ZFP42: variants seen among roughly 807,000 people sequenced by gnomAD.
The protein encoded by ZFP42 is ZFP42 zinc finger protein, also known as zinc finger protein 42 homolog.
For missense variants in ZFP42, 438 were observed against 377.1 expected (o/e 1.16, Z -1.34); for synonymous variants, 175 against 144.6 (o/e 1.21, Z -1.51).
Position 188,003,596 on chromosome 4 carries a change from T to G in ZFP42, c.789T>G (p.Arg263=). The G allele has an allele frequency of 6.2e-7, 1 of 1,613,536 alleles. No homozygotes were observed. Among genetic ancestry groups the G allele is most frequent in the Non-Finnish European group, 8.5e-7 (1 of 1,180,026 alleles). The change falls in exon 4 of 4, where the codon CGT becomes CGG. Residue 263 remains arginine (R), a synonymous_variant. Transcript: ENST00000326866. The stretch of plus-strand genomic sequence containing the variant: ...GCTTCTCTCTGGACTTTAATTTGCG[T>G]ACGCACGTGCGCATCCACACGGGGG... ...GKRFSLDFNL[R]THVRIHTGEK... is the part of the protein sequence containing the mutation.
rs1314518257 is a variant in ZFP42, at chr4:187,997,236, T to TTATTTTTTTTTTA, written c.-339+1397_-339+1398insATTTTTTTTTTAT. 1.2e-4 allele frequency among the ~76,000 whole-genome samples: 15 copies of TTATTTTTTTTTTA among 123,588 alleles called. 1 individual carries two copies. Among genetic ancestry groups the TTATTTTTTTTTTA allele is most frequent in the African/African-American group, 4.9e-4 (15 of 30,836 alleles). 81.1% of individuals were successfully genotyped at this position (123,588 alleles called of 152,430 possible). A position where few individuals can be genotyped will look rare whatever the true frequency, so the allele number is the denominator to read the frequency against. On this transcript the variant is annotated intron_variant, in intron 1 of 3. Coordinates refer to ENST00000326866, the MANE Select transcript of ZFP42 (RefSeq NM_174900.5). ...ACTTCCCCTCTCATATTCTTTTTTTTTTTTTTTTTTTTTTGAGACAGAGTT... is the reference window on the plus strand; with the variant it reads ...ACTTCCCCTCTCATATTCTTTTTTTTTATTTTTTTTTTATTTTTTTTTTTTTTGAGACAGAGTT...
At chr4:187,999,790 G>C (rs1733739138) in intron 3 of ZFP42, 105 bp downstream of exon 3, 1 of 152,374 alleles carries the variant, frequency 6.6e-6, no homozygotes, top group South Asian at 2.1e-4. Flanking sequence ...AGAATCCAGG[G>C]AAGCCTGCCT....
intron 3 of ZFP42, among the ~76,000 whole-genome samples, chr4:188,001,073 T>C (rs185351196): frequency 4.1e-4 from 63 of 152,342 alleles, no homozygotes; most frequent in African/African-American, 1.4e-3. Context: ...TAAATACATT[T>C]TAAGAAATCT....
In ZFP42 at chr4:188,002,939, C is replaced by G; in HGVS notation, c.132C>G (p.Ser44Arg). Residue 44 changes from serine (S) to arginine (R), a missense_variant, in exon 4 of 4, where the codon AGC becomes AGG. Ser to Arg is a moderately radical substitution (Grantham distance 110). Transcript: ENST00000326866. ...QDLQAEIEPV[S>R]AVWALCDGYV... ...TGCAGGCGGAAATAGAACCTGTCAG[C>G]GCGGTGTGGGCCTTATGTGATGGCT... The G allele has an allele frequency of 6.2e-7, 1 of 1,614,148 alleles. No homozygotes were observed. Among genetic ancestry groups the G allele is most frequent in the Non-Finnish European group, 8.5e-7 (1 of 1,180,034 alleles).
At chr4:187,997,228 C>CTTTT (rs71595201) in intron 1 of ZFP42, among the ~76,000 whole-genome samples, 1,753 of 59,970 alleles carry the variant, frequency 0.029, 244 homozygotes, top group Middle Eastern at 0.091. Flanking sequence ...CTCTCATATT[C>CTTTT]TTTTTTTTTT....
chr4:188,004,856 GTAGA>G lies in ZFP42; in HGVS notation c.*1120_*1123del, dbSNP rs917187542. 3 of 167,088 alleles carry G rather than the reference GTAGA, an allele frequency of 1.8e-5. No homozygotes were observed. Among genetic ancestry groups the G allele is most frequent in the South Asian group, 2.1e-4 (1 of 4,832 alleles). The allele number at this position is 167,088 out of a possible 1,614,324, so 10.4% of individuals were successfully genotyped here. On this transcript the variant is annotated 3_prime_UTR_variant, in exon 4 of 4. Transcript: ENST00000326866. The stretch of plus-strand genomic sequence containing the variant: ...AGCCCTAGAGAATGAAAAATTTGCA[GTAGA>G]TAGTCAATAAATGAATCAGTAGTTA...
At chr4:188,001,022 A>G (rs1045759645) in intron 3 of ZFP42, among the ~76,000 whole-genome samples, 1 of 152,168 alleles carries the variant, frequency 6.6e-6, no homozygotes, top group Admixed American at 6.5e-5. Context: ...GACACAAAAA[A>G]TAACATTAGT....
chr4:188,003,068 A>G lies in ZFP42; in HGVS notation c.261A>G (p.Glu87=). 6.2e-7 allele frequency: 1 copy of G among 1,614,192 alleles called. No homozygotes were observed. Among genetic ancestry groups the G allele is most frequent in the East Asian group, 2.2e-5 (1 of 44,874 alleles). ...GTGAGTTTTCTCAACCCATCCTGGA[A>G]GAGGACTCACTTTTTGAGTCCTTGG... The part of the protein sequence containing the change: ...IRGEFSQPIL[E]EDSLFESLEY... Residue 87 remains glutamate (E), a synonymous_variant, in exon 4 of 4, where the codon GAA becomes GAG. Coordinates refer to ENST00000326866, the MANE Select transcript of ZFP42 (RefSeq NM_174900.5).
At chr4:187,998,981 A>G (rs1733710791) in intron 1 of ZFP42, 127 bp from the exon 2 acceptor site, 1 of 152,260 alleles carries the variant, frequency 6.6e-6, no homozygotes, top group African/African-American at 2.4e-5. Context: ...GAGAAATAGC[A>G]TAATGCTCGG....
chr4:188,001,359 A>G (rs1733814095), intron 3 of ZFP42, among the ~76,000 whole-genome samples: 1 of 152,226 alleles, frequency 6.6e-6, no homozygotes, highest in Non-Finnish European at 1.5e-5. Flanking sequence ...TAACATATTC[A>G]TGCTATAACT....
rs1477019989 is a variant in ZFP42, at chr4:188,002,848, A to G, written c.41A>G (p.Gln14Arg). 1 of 1,614,212 alleles carries G rather than the reference A, an allele frequency of 6.2e-7. No individual in the cohort carries two copies. Among genetic ancestry groups the G allele is most frequent in the Admixed American group, 1.7e-5 (1 of 60,030 alleles). Residue 14 changes from glutamine to arginine, a missense_variant, in exon 4 of 4, where the codon CAG becomes CGG. Gln to Arg is a conservative substitution (Grantham distance 43). Coordinates refer to ENST00000326866, the MANE Select transcript of ZFP42 (RefSeq NM_174900.5). ...QLKKRAKTRH[Q>R]KGLGGRAPSG... ...AAGAAACGGGCAAAGACAAGACACCAGAAAGGCCTGGGTGGAAGAGCCCCC... is the reference window on the plus strand; with the variant it reads ...AAGAAACGGGCAAAGACAAGACACCGGAAAGGCCTGGGTGGAAGAGCCCCC...
At chr4:187,996,576 C>A (rs1371221462) in intron 1 of ZFP42, among the ~76,000 whole-genome samples, 1 of 152,064 alleles carries the variant, frequency 6.6e-6, no homozygotes. Context: ...TCCCAAAGTG[C>A]TGAGATTACA....
At chr4:188,002,177 C>CA (rs891362546) in intron 3 of ZFP42, among the ~76,000 whole-genome samples, 9 of 150,452 alleles carry the variant, frequency 6.0e-5, no homozygotes, top group South Asian at 2.1e-4. Context: ...ACTCCGTCTC[C>CA]AAAAAAAAAG....
chr4:187,997,768 G>C (rs898187765), intron 1 of ZFP42, among the ~76,000 whole-genome samples: 1 of 152,174 alleles, frequency 6.6e-6, no homozygotes, highest in South Asian at 2.1e-4. Flanking sequence ...CAGTCAGTGA[G>C]CAACCCCACG....
intron 1 of ZFP42, among the ~76,000 whole-genome samples, chr4:187,996,999 CA>C (rs1733604550): frequency 5.4e-5 from 2 of 36,844 alleles, no homozygotes; most frequent in South Asian, 1.5e-3. Flanking sequence ...GAGCATGGAG[CA>C]TGGAGCGTGG....
chr4:187,997,120 T>A (rs12504373), intron 1 of ZFP42, among the ~76,000 whole-genome samples: 1 of 151,504 alleles, frequency 6.6e-6, no homozygotes, highest in Admixed American at 6.6e-5. Flanking sequence ...CCCACCCCCG[T>A]GCACTTTTCC....
intron 1 of ZFP42, among the ~76,000 whole-genome samples, chr4:187,997,000 ATGGAGCGTGGAGCG>A (rs150847996): frequency 0.18 from 15,701 of 88,172 alleles, 906 homozygotes; most frequent in South Asian, 0.4. Context: ...AGCATGGAGC[ATGGAGCGTGGAGCG>A]TGGAGCATGG....
intron 1 of ZFP42, 119 bp downstream of exon 1, chr4:187,995,959 C>T (rs1733546012): frequency 6.6e-6 from 1 of 152,264 alleles, no homozygotes; most frequent in South Asian, 2.1e-4. Flanking sequence ...TGTTCTCATC[C>T]TGGGACCAGG....
In ZFP42 at chr4:188,003,653, C is replaced by A; in HGVS notation, c.846C>A (p.Cys282Ter). The change falls in exon 4 of 4, where the codon TGC becomes TGA. Residue 282 changes from cysteine (C) to a stop codon, truncating the protein, a stop_gained. Transcript: ENST00000326866. LOFTEE classifies it low-confidence loss of function (END_TRUNC). ...GTTTCGTGTGTCCCTTTCAAGGCTG[C>A]AACAGGAGGTTTATTCAGTCAAATA... The part of the protein sequence containing the change: ...EKRFVCPFQG[C>*]NRRFIQSNNL... 6.2e-7 allele frequency: 1 copy of A among 1,613,668 alleles called. No individual in the cohort carries two copies. Among genetic ancestry groups the A allele is most frequent in the Non-Finnish European group, 8.5e-7 (1 of 1,180,038 alleles).
Sources: allele counts gnomAD v4.1 joint callset (sites outside exome capture counted in the v4.1 genomes callset), GRCh38; gene constraint gnomAD v4.1.1; transcripts MANE v1.5; gene names NCBI Gene and HGNC (gene_info 2026-07-23, HGNC 2026-07-21).